Variants in ANLN observed in about 807,000 individuals in gnomAD.
ANLN encodes anillin.
ANLN carries 59 observed loss-of-function variants against 135.1 expected under a neutral mutation model. The ratio of observed to expected loss-of-function variants is 0.44; its 90% CI spans 0.35 to 0.54. The LOEUF (loss-of-function observed/expected upper bound fraction) is 0.54, where lower values mean the gene tolerates loss of function less well. Among genes scored for constraint, ANLN ranks in the 20% least tolerant of loss-of-function variants. ANLN has a pLI of 0.00. For synonymous variants in ANLN, 406 were observed against 456.4 expected, an observed-to-expected ratio of 0.89 and a Z score of 1.41; for missense variants, 1,182 against 1,340.0, an observed-to-expected ratio of 0.88 and a Z score of 1.84.
At chr7:36,429,931 A>T (rs1009516569) in intron 20 of ANLN, among the ~76,000 whole-genome samples, 2 of 152,152 alleles carry the variant, frequency 1.3e-5, no homozygotes, top group Non-Finnish European at 2.9e-5. Context: ...AAATCAAACC[A>T]CTCAGTTTAA....
In ANLN at chr7:36,419,266, G is replaced by A; in HGVS notation, c.1656G>A (p.Met552Ile). 6.2e-7 allele frequency: 1 copy of A among 1,613,536 alleles called. No homozygotes were observed. The change falls in exon 10 of 24, where the codon ATG (methionine) becomes ATA (isoleucine). Residue 552 changes from methionine to isoleucine, a missense_variant. Met to Ile is a conservative substitution (Grantham distance 10, BLOSUM62 1). Coordinates refer to ENST00000265748, the MANE Select transcript of ANLN (RefSeq NM_018685.5). The part of the protein sequence containing the change: ...QKIEVIREIE[M>I]SVDDDDINSS... ...CAGAAGTGATACGTGAAATTGAGAT[G>A]AGTGTGGATGATGATGATATCAATA...
At chr7:36,446,550 T>A (rs776116587) in intron 22 of ANLN, among the ~76,000 whole-genome samples, 1 of 152,136 alleles carries the variant, frequency 6.6e-6, no homozygotes, top group African/African-American at 2.4e-5. Flanking sequence ...GTACATCACA[T>A]GGTAAAAGCA....
At chr7:36,396,712 G>A (rs1330899193) in intron 2 of ANLN, among the ~76,000 whole-genome samples, 1 of 152,172 alleles carries the variant, frequency 6.6e-6, no homozygotes, top group Non-Finnish European at 1.5e-5. Context: ...TAAAGGAGTA[G>A]GGTAACATTT....
chr7:36,390,406 C>CTGCA (rs1450617956), intron 1 of ANLN: 2 of 301,118 alleles, frequency 6.6e-6, no homozygotes, highest in African/African-American at 4.3e-5. Flanking sequence ...CTGGAATGCC[C>CTGCA]TGCAGGGCGG....
At chr7:36,441,041 C>G (rs1477593770) in intron 21 of ANLN, among the ~76,000 whole-genome samples, 2 of 152,082 alleles carry the variant, frequency 1.3e-5, no homozygotes, top group African/African-American at 2.4e-5. Context: ...TTTTTCCTTC[C>G]TTATTAGGTT....
chr7:36,394,036 G>C (rs1236920289), intron 1 of ANLN, among the ~76,000 whole-genome samples: 2 of 152,154 alleles, frequency 1.3e-5, no homozygotes, highest in Non-Finnish European at 2.9e-5. Context: ...GCTCACTGCA[G>C]CCTTGAACTC....
chr7:36,410,747 G>A, intron 6 of ANLN, 43 bp downstream of exon 6: 1 of 1,550,360 alleles, frequency 6.5e-7, no homozygotes, highest in Non-Finnish European at 8.7e-7. Flanking sequence ...CATGGTCTCT[G>A]CATAGAACCT....
intron 23 of ANLN, 125 bp downstream of exon 23, chr7:36,449,962 C>A: frequency 1.3e-6 from 1 of 787,748 alleles, no homozygotes; most frequent in Non-Finnish European, 1.9e-6. Flanking sequence ...AGTGAGAAAA[C>A]AAAACACACA....
chr7:36,425,951 A>G, intron 18 of ANLN, 64 bp from the exon 19 acceptor site: 1 of 1,343,392 alleles, frequency 7.4e-7, no homozygotes, highest in Non-Finnish European at 1.0e-6. Context: ...TCATATTTAA[A>G]TCTTTGTATT....
rs886639581 is a variant in ANLN, at chr7:36,389,907, A to G, written c.-120A>G. On this transcript the variant is annotated 5_prime_UTR_variant, in exon 1 of 24. Coordinates refer to ENST00000265748, the MANE Select transcript of ANLN (RefSeq NM_018685.5). ...AGAGGAGAGGACAGCTGGTTGTGGGAGAGTTCCCCCGCCTCAGACTCCTGG... is the reference window on the plus strand; with the variant it reads ...AGAGGAGAGGACAGCTGGTTGTGGGGGAGTTCCCCCGCCTCAGACTCCTGG... 2.2e-5 allele frequency: 34 copies of G among 1,574,444 alleles called. No individual in the cohort carries two copies. The highest frequency in any genetic ancestry group is 2.9e-5 in the Non-Finnish European group (33 of 1,148,298).
At chr7:36,416,302 A>G (rs1787639796) in intron 8 of ANLN, among the ~76,000 whole-genome samples, 1 of 152,212 alleles carries the variant, frequency 6.6e-6, no homozygotes, top group Non-Finnish European at 1.5e-5. Context: ...TACAGGGGTC[A>G]GCCACTGCGC....
intron 9 of ANLN, among the ~76,000 whole-genome samples, chr7:36,417,674 CTTTTTTTTT>C (rs70977138): frequency 1.0e-5 from 1 of 97,256 alleles, no homozygotes; most frequent in Non-Finnish European, 2.0e-5. Flanking sequence ...CTCAAACTTC[CTTTTTTTTT>C]TTTTTTTTTT....
At position 36,396,304 on chromosome 7, in the gene ANLN, T is replaced by C. The variant is rs754316236; in HGVS notation, c.57T>C (p.Leu19=). 10 of 1,607,736 alleles carry C rather than the reference T, an allele frequency of 6.2e-6. No individual in the cohort carries two copies. The highest frequency in any genetic ancestry group is 8.5e-6 in the Non-Finnish European group (10 of 1,175,290). ...GAACCCGTGCCAGGCGAGAGAATCTTCAGAGAAAAATGGCTGAGAGGCCCA... is the reference window on the plus strand; with the variant it reads ...GAACCCGTGCCAGGCGAGAGAATCTCCAGAGAAAAATGGCTGAGAGGCCCA... The part of the protein sequence containing the change: ...LERTRARREN[L]QRKMAERPTA... The change falls in exon 2 of 24, where the codon CTT becomes CTC. Residue 19 remains leucine (L), a synonymous_variant. Transcript: ENST00000265748.
chr7:36,427,483 C>T (rs1317487639), intron 20 of ANLN, among the ~76,000 whole-genome samples: 1 of 152,034 alleles, frequency 6.6e-6, no homozygotes, highest in East Asian at 1.9e-4. Flanking sequence ...TTCCAAGTAG[C>T]TGGGACTACA....
intron 7 of ANLN, among the ~76,000 whole-genome samples, chr7:36,414,344 G>A (rs929941947): frequency 4.6e-5 from 7 of 152,190 alleles, no homozygotes; most frequent in Non-Finnish European, 8.8e-5. Context: ...TGTGTGATGG[G>A]ATAAGGGGTG....
chr7:36,430,525 G>A (rs1773840712), intron 20 of ANLN, among the ~76,000 whole-genome samples: 1 of 152,180 alleles, frequency 6.6e-6, no homozygotes, highest in Admixed American at 6.5e-5. Context: ...TAGATAAAGG[G>A]AGAAGGATGT....
intron 3 of ANLN, among the ~76,000 whole-genome samples, chr7:36,400,086 G>T (rs1414109579): frequency 1.3e-5 from 2 of 152,038 alleles, no homozygotes; most frequent in South Asian, 2.1e-4. Flanking sequence ...GGAAAACAAA[G>T]AAGTGAAAAG....
intron 19 of ANLN, among the ~76,000 whole-genome samples, 182 bp from the exon 20 acceptor site, chr7:36,426,734 G>A (rs577744462): frequency 6.6e-6 from 1 of 151,984 alleles, no homozygotes; most frequent in African/African-American, 2.4e-5. Flanking sequence ...AGGAGTGCTT[G>A]TACCTCTTTC....
chr7:36,413,799 T>C (rs752815634), intron 7 of ANLN, among the ~76,000 whole-genome samples: 1 of 152,074 alleles, frequency 6.6e-6, no homozygotes, highest in Non-Finnish European at 1.5e-5. Context: ...GAGACCAACC[T>C]GGCCAACATG....
Sources: gnomAD v4.1 joint callset for allele counts (sites outside exome capture counted in the v4.1 genomes callset) on GRCh38, gnomAD v4.1.1 for gene constraint, MANE v1.5 for transcripts, NCBI Gene and HGNC (gene_info 2026-07-23, HGNC 2026-07-21) for gene names.